The following GNAQ variants were observed in gnomAD, a reference collection of about 807,000 sequenced individuals.
GNAQ encodes guanine nucleotide-binding protein G(q) subunit alpha.
GNAQ carries 8 observed loss-of-function variants against 43.9 expected under a neutral mutation model. The ratio of observed to expected loss-of-function variants is 0.18; its 90% confidence interval spans 0.11 to 0.33. The LOEUF (loss-of-function observed/expected upper bound fraction) is 0.33. Among genes scored for constraint, GNAQ ranks in the 10% least tolerant of loss-of-function variants. The pLI, the probability that GNAQ is intolerant of heterozygous loss-of-function variation, is 1.00. For missense variants in GNAQ, 158 were observed against 450.8 expected (o/e 0.35, Z 5.88); for synonymous variants, 155 against 170.7 (o/e 0.91, Z 0.71).
chr9:77,912,438 C>T (rs1196359444), intron 2 of GNAQ, among the ~76,000 whole-genome samples: 2 of 152,018 alleles, frequency 1.3e-5, no homozygotes, highest in Admixed American at 6.6e-5. Context: ...AAATGTAAAA[C>T]AATAAAGAAC....
chr9:77,800,116 C>G (rs1390871924), intron 3 of GNAQ, among the ~76,000 whole-genome samples: 1 of 152,118 alleles, frequency 6.6e-6, no homozygotes, highest in African/African-American at 2.4e-5. Context: ...CACTTTTACA[C>G]TGTTGGTGGG....
intron 1 of GNAQ, among the ~76,000 whole-genome samples, chr9:78,008,709 C>G (rs1292146144): frequency 6.6e-6 from 1 of 152,180 alleles, no homozygotes; most frequent in Admixed American, 6.5e-5. Flanking sequence ...ACCTCCGCCT[C>G]CTGGGTTCAA....
chr9:77,734,773 AAAG>A (rs1825551299), intron 5 of GNAQ, among the ~76,000 whole-genome samples: 1 of 152,210 alleles, frequency 6.6e-6, no homozygotes, highest in African/African-American at 2.4e-5. Flanking sequence ...TTCTGCTAAA[AAAG>A]AAGGCCAGAG....
intron 1 of GNAQ, among the ~76,000 whole-genome samples, chr9:78,021,199 T>C (rs4745689): frequency 6.6e-6 from 1 of 152,070 alleles, no homozygotes; most frequent in Non-Finnish European, 1.5e-5. Flanking sequence ...CTAATTTTTG[T>C]ATTTTTGGTA....
intron 2 of GNAQ, among the ~76,000 whole-genome samples, chr9:77,836,176 T>C (rs1428746363): frequency 1.3e-5 from 2 of 151,812 alleles, no homozygotes; most frequent in East Asian, 3.9e-4. Flanking sequence ...GCAAGCCTTC[T>C]CCTATTTTTT....
intron 1 of GNAQ, among the ~76,000 whole-genome samples, chr9:78,024,027 A>G (rs1488258493): frequency 3.3e-5 from 5 of 149,902 alleles, no homozygotes; most frequent in Admixed American, 3.3e-4. Flanking sequence ...GAAAACAACT[A>G]TTTTATTTCT....
chr9:77,989,840 A>T (rs1054739480), intron 1 of GNAQ, among the ~76,000 whole-genome samples: 2 of 152,258 alleles, frequency 1.3e-5, no homozygotes, highest in Non-Finnish European at 2.9e-5. Flanking sequence ...ATTACAGCTG[A>T]AAGTTTATTT....
intron 2 of GNAQ, among the ~76,000 whole-genome samples, chr9:77,846,589 C>A (rs746414077): frequency 2.6e-5 from 4 of 152,000 alleles, no homozygotes; most frequent in Non-Finnish European, 5.9e-5. Flanking sequence ...TAAGGTAGGT[C>A]GGGAAGGGGC....
intron 2 of GNAQ, among the ~76,000 whole-genome samples, chr9:77,906,005 G>A (rs1393504116): frequency 1.3e-5 from 2 of 152,006 alleles, no homozygotes; most frequent in Non-Finnish European, 2.9e-5. Flanking sequence ...CTAGATGACA[G>A]GTTGGTTGGT....
intron 2 of GNAQ, among the ~76,000 whole-genome samples, chr9:77,887,898 C>T (rs1021820303): frequency 6.6e-6 from 1 of 152,142 alleles, no homozygotes; most frequent in Non-Finnish European, 1.5e-5. Context: ...ACATTATGAG[C>T]CAAGTACTGG....
intron 1 of GNAQ, among the ~76,000 whole-genome samples, chr9:77,940,827 C>T (rs888119555): frequency 1.3e-5 from 2 of 151,818 alleles, no homozygotes; most frequent in East Asian, 2.0e-4. Context: ...ATTAGCCGGG[C>T]GTGGTGGCAG....
chr9:77,895,199 A>G (rs1256316126), intron 2 of GNAQ, among the ~76,000 whole-genome samples: 3 of 21,942 alleles, frequency 1.4e-4, no homozygotes, highest in Admixed American at 7.1e-4. Context: ...CTCCATCTCA[A>G]AAAAAAAAAA....
chr9:77,725,063 G>C lies in GNAQ; in HGVS notation c.889+3451C>G, dbSNP rs1409298665. ...TATGATTTTGTACTTACTCTATTTGGGAAGGAAGGGACTATACCTTTTTTT... is the reference window on the plus strand; with the variant it reads ...TATGATTTTGTACTTACTCTATTTGCGAAGGAAGGGACTATACCTTTTTTT... On this transcript the variant is annotated intron_variant, in intron 6 of 6. Coordinates refer to ENST00000286548, the MANE Select transcript of GNAQ (RefSeq NM_002072.5). 2.6e-5 allele frequency among the ~76,000 whole-genome samples: 4 copies of C among 151,876 alleles called. No individual in the cohort carries two copies. In the East Asian group the frequency reaches 7.7e-4, roughly 29 times the overall value.
intron 2 of GNAQ, among the ~76,000 whole-genome samples, chr9:77,830,854 CA>C (rs1827287143): frequency 6.6e-6 from 1 of 152,202 alleles, no homozygotes; most frequent in Non-Finnish European, 1.5e-5. Context: ...CACACACACA[CA>C]CACACACAAT....
At chr9:77,984,255 G>A (rs1201959749) in intron 1 of GNAQ, among the ~76,000 whole-genome samples, 18 of 149,806 alleles carry the variant, frequency 1.2e-4, no homozygotes, top group African/African-American at 3.9e-4. Flanking sequence ...CTGCAGCCTC[G>A]ACCTCCTGGG....
chr9:77,909,358 C>A (rs1299556904), intron 2 of GNAQ, among the ~76,000 whole-genome samples: 1 of 152,134 alleles, frequency 6.6e-6, no homozygotes, highest in Non-Finnish European at 1.5e-5. Flanking sequence ...GGCTAGAAGA[C>A]GGTCAAGAGA....
At chr9:78,019,922 T>G (rs1823885902) in intron 1 of GNAQ, among the ~76,000 whole-genome samples, 1 of 45,428 alleles carries the variant, frequency 2.2e-5, no homozygotes, top group Non-Finnish European at 4.5e-5. Context: ...AGACTCCATC[T>G]CAAAAAAAAA....
intron 2 of GNAQ, among the ~76,000 whole-genome samples, chr9:77,860,479 G>T (rs1827830306): frequency 6.6e-6 from 1 of 152,112 alleles, no homozygotes; most frequent in Admixed American, 6.5e-5. Flanking sequence ...GGCGGCGGGG[G>T]GATTGTTTGG....
chr9:77,741,351 AATTT>A (rs1411022374), intron 5 of GNAQ, among the ~76,000 whole-genome samples: 4 of 152,236 alleles, frequency 2.6e-5, no homozygotes, highest in African/African-American at 4.8e-5. Context: ...ATGTTTGTAC[AATTT>A]ATTATGTACA....
Sources: allele counts gnomAD v4.1 joint callset (sites outside exome capture counted in the v4.1 genomes callset), GRCh38; gene constraint gnomAD v4.1.1; transcripts MANE v1.5; gene names NCBI Gene and HGNC (gene_info 2026-07-23, HGNC 2026-07-21).